The following FSTL4 variants were observed in gnomAD, a reference collection of about 807,000 sequenced individuals.
FSTL4 encodes follistatin like 4, also known as follistatin-related protein 4.
A neutral mutation model predicts 78.2 loss-of-function variants in FSTL4; 28 were observed. The observed-to-expected ratio is 0.36, with a 90% CI of 0.27 to 0.49. FSTL4 has a LOEUF of 0.49. FSTL4 is among the 20% of genes least tolerant of loss of function. FSTL4 has a pLI of 0.98. For synonymous variants in FSTL4, 422 were observed against 440.5 expected (o/e 0.96, Z 0.53); for missense variants, 922 against 1,084.9 (o/e 0.85, Z 2.11).
Position 133,428,000 on chromosome 5 carries a change from A to G in FSTL4, c.161-27014T>C, listed in dbSNP as rs924824559. Reference sequence around the variant, plus strand: ...TGGAGTCCCTAATGGGAGAAAAATCACACTCTATACCCAGATATCAACTTG... The same window carrying G: ...TGGAGTCCCTAATGGGAGAAAAATCGCACTCTATACCCAGATATCAACTTG... On this transcript the variant is annotated intron_variant, in intron 3 of 15. Coordinates refer to ENST00000265342, the MANE Select transcript of FSTL4 (RefSeq NM_015082.2). Among the ~76,000 whole-genome samples, 20 of 152,334 alleles carry G rather than the reference A, an allele frequency of 1.3e-4. No homozygotes were observed. The South Asian group carries it at 2.1e-3, about 16-fold the overall frequency.
chr5:133,663,809 C>T, the FSTL4 span, among the ~76,000 whole-genome samples: 1 of 152,216 alleles, frequency 6.6e-6, no homozygotes, highest in Admixed American at 6.5e-5. Context: ...CTGCGGGGTC[C>T]TCAGACCAGG....
At chr5:133,783,226 C>G in the FSTL4 span, among the ~76,000 whole-genome samples, 2 of 152,170 alleles carry the variant, frequency 1.3e-5, no homozygotes, top group South Asian at 4.1e-4. Flanking sequence ...TCTGCGTCAA[C>G]CTCAATGAAA....
chr5:133,580,929 G>A (rs766119343), intron 2 of FSTL4, among the ~76,000 whole-genome samples: 9 of 152,138 alleles, frequency 5.9e-5, no homozygotes, highest in Non-Finnish European at 1.0e-4. Flanking sequence ...ACAGCCCCCA[G>A]AGGAACTTCC....
chr5:133,355,820 C>G (rs1482895555), intron 4 of FSTL4, among the ~76,000 whole-genome samples: 2 of 152,182 alleles, frequency 1.3e-5, no homozygotes, highest in Non-Finnish European at 2.9e-5. Flanking sequence ...TGTTTTTGTG[C>G]TGGTCCGTGC....
chr5:133,334,638 G>T (rs894323388), intron 4 of FSTL4, among the ~76,000 whole-genome samples: 1 of 152,118 alleles, frequency 6.6e-6, no homozygotes, highest in Admixed American at 6.6e-5. Context: ...ATTTAAAAAA[G>T]GTAACCTGAT....
chr5:133,580,503 C>T (rs1011293807), intron 2 of FSTL4, among the ~76,000 whole-genome samples: 8 of 152,316 alleles, frequency 5.3e-5, no homozygotes, highest in African/African-American at 1.9e-4. Context: ...AACAAACAAA[C>T]ACACAAACAA....
At chr5:133,567,281 A>T in intron 2 of FSTL4, 62 bp from the exon 3 acceptor site, 14 of 1,149,342 alleles carry the variant, frequency 1.2e-5, no homozygotes, top group Non-Finnish European at 1.8e-5. Flanking sequence ...GATACTTGCA[A>T]ATATCTCCTC....
chr5:133,696,297 T>G, the FSTL4 span, among the ~76,000 whole-genome samples: 1 of 152,238 alleles, frequency 6.6e-6, no homozygotes, highest in Non-Finnish European at 1.5e-5. Context: ...TGTCCTGGCT[T>G]TGTCTGGGGC....
At chr5:133,497,380 G>T (rs901898819) in intron 3 of FSTL4, among the ~76,000 whole-genome samples, 2 of 152,222 alleles carry the variant, frequency 1.3e-5, no homozygotes, top group African/African-American at 4.8e-5. Flanking sequence ...GGGGAAATCA[G>T]AATAATATAC....
the FSTL4 span, among the ~76,000 whole-genome samples, chr5:133,692,262 C>A: frequency 6.6e-6 from 1 of 152,134 alleles, no homozygotes; most frequent in Non-Finnish European, 1.5e-5. Context: ...CACATTCACG[C>A]CCCCAAGATG....
chr5:133,840,673 G>A, the FSTL4 span, among the ~76,000 whole-genome samples: 1 of 152,192 alleles, frequency 6.6e-6, no homozygotes, highest in Admixed American at 6.5e-5. Context: ...TGATTCTAAA[G>A]CTGGCTATTC....
chr5:133,740,333 CT>C, the FSTL4 span, among the ~76,000 whole-genome samples: 1 of 152,194 alleles, frequency 6.6e-6, no homozygotes, highest in Non-Finnish European at 1.5e-5. Flanking sequence ...AGGCCTGCCC[CT>C]GGCCCCACAT....
chr5:133,622,969 C>T, the FSTL4 span, among the ~76,000 whole-genome samples: 1 of 152,002 alleles, frequency 6.6e-6, no homozygotes, highest in Admixed American at 6.6e-5. Flanking sequence ...AGTCTAAATA[C>T]AAAATCCCAA....
At chr5:133,758,232 C>G in the FSTL4 span, among the ~76,000 whole-genome samples, 1 of 151,992 alleles carries the variant, frequency 6.6e-6, no homozygotes, top group Non-Finnish European at 1.5e-5. Flanking sequence ...AGCTATAATT[C>G]AAAGAATTGA....
intron 3 of FSTL4, among the ~76,000 whole-genome samples, chr5:133,408,389 C>T (rs1327405866): frequency 6.6e-6 from 1 of 152,156 alleles, no homozygotes; most frequent in East Asian, 1.9e-4. Flanking sequence ...CACAAAAAGA[C>T]CCCAGAAAGG....
At chr5:133,610,123 A>G (rs1251613784) in intron 1 of FSTL4, among the ~76,000 whole-genome samples, 1 of 152,218 alleles carries the variant, frequency 6.6e-6, no homozygotes, top group East Asian at 1.9e-4. Context: ...AAAAAGTCCT[A>G]CGGCCCTTAG....
chr5:133,405,425 C>A (rs1305762105), intron 3 of FSTL4, among the ~76,000 whole-genome samples: 1 of 152,220 alleles, frequency 6.6e-6, no homozygotes, highest in African/African-American at 2.4e-5. Context: ...ACTTGTCCAG[C>A]CAAGTGCCTG....
At chr5:133,665,121 G>T in the FSTL4 span, among the ~76,000 whole-genome samples, 1 of 152,118 alleles carries the variant, frequency 6.6e-6, no homozygotes, top group Non-Finnish European at 1.5e-5. Context: ...GCCTTCTTGG[G>T]CCCAAACCAC....
In FSTL4 at chr5:133,570,327, A is replaced by T. The variant is rs536654533; in HGVS notation, c.127-3108T>A. ...AAAAATAGGATTATCTTATTTTAAA[A>T]TTTTTTTATTCTTGAGACAGAGTCT... On this transcript the variant is annotated intron_variant, in intron 2 of 15. Transcript: ENST00000265342. Among the ~76,000 whole-genome samples, 313 of 152,120 alleles carry T rather than the reference A, an allele frequency of 2.1e-3. 2 individuals are homozygous for T. The highest frequency in any genetic ancestry group is 0.01 in the Middle Eastern group (3 of 294).
Sources: allele counts gnomAD v4.1 joint callset (sites outside exome capture counted in the v4.1 genomes callset), GRCh38; gene constraint gnomAD v4.1.1; transcripts MANE v1.5; gene names NCBI Gene and HGNC (gene_info 2026-07-23, HGNC 2026-07-21).